The following KCNIP4 variants were observed in gnomAD, a reference collection of about 807,000 sequenced individuals.
KCNIP4 encodes the protein Kv channel-interacting protein 4.
In KCNIP4, 12 loss-of-function variants were observed where a neutral mutation model predicts 34.0. The observed-to-expected ratio is 0.35, with a 90% CI of 0.23 to 0.57. The LOEUF (loss-of-function observed/expected upper bound fraction) is 0.57, where lower values mean the gene tolerates loss of function less well. Ranked by LOEUF, KCNIP4 falls within the 20% of genes least tolerant of loss-of-function variation. The pLI, the probability that KCNIP4 is intolerant of heterozygous loss-of-function variation, is 0.83. For missense variants in KCNIP4, 238 were observed against 311.7 expected (o/e 0.76, Z 1.78); for synonymous variants, 124 against 102.2 (o/e 1.21, Z -1.29).
chr4:21,546,026 A>G (rs182595234), intron 1 of KCNIP4, among the ~76,000 whole-genome samples: 57 of 152,126 alleles, frequency 3.7e-4, no homozygotes, highest in African/African-American at 1.3e-3. Context: ...TACTCTATGG[A>G]CTTGCCTTGA....
rs571199002 is a variant in KCNIP4 at position 21,380,559 on chromosome 4, T to G, written c.62-497850A>C. ...ATAGATCACTCTTAATTTGAGGGATTTTTGACAGTTATTGATGGTTTGACT... is the reference window on the plus strand; with the variant it reads ...ATAGATCACTCTTAATTTGAGGGATGTTTGACAGTTATTGATGGTTTGACT... On this transcript the variant is annotated intron_variant, in intron 1 of 8. Coordinates refer to ENST00000382152, the MANE Select transcript of KCNIP4 (RefSeq NM_025221.6). 2.6e-5 allele frequency among the ~76,000 whole-genome samples: 4 copies of G among 151,954 alleles called. No individual in the cohort carries two copies. In the East Asian group the frequency reaches 7.8e-4, roughly 30 times the overall value.
At chr4:20,916,563 TG>T (rs1238535460) in intron 1 of KCNIP4, among the ~76,000 whole-genome samples, 2 of 152,146 alleles carry the variant, frequency 1.3e-5, no homozygotes, top group Non-Finnish European at 2.9e-5. Context: ...TCATTTTAAT[TG>T]GTAGCCCTTA....
At chr4:21,840,933 T>C (rs549585248) in intron 1 of KCNIP4, among the ~76,000 whole-genome samples, 2 of 152,192 alleles carry the variant, frequency 1.3e-5, no homozygotes, top group Non-Finnish European at 2.9e-5. Context: ...TTTCTATTGC[T>C]GACAACCAAA....
intron 1 of KCNIP4, among the ~76,000 whole-genome samples, chr4:21,230,730 A>T (rs763165367): frequency 6.6e-6 from 1 of 152,144 alleles, no homozygotes; most frequent in Non-Finnish European, 1.5e-5. Context: ...TCCATGCTGT[A>T]TATGTACCAC....
intron 1 of KCNIP4, among the ~76,000 whole-genome samples, chr4:20,997,814 A>G (rs1737702450): frequency 1.3e-5 from 2 of 152,156 alleles, no homozygotes; most frequent in African/African-American, 4.8e-5. Context: ...AGCACTAGGG[A>G]CCCGCTCCTA....
chr4:20,759,628 T>C (rs921734711), intron 3 of KCNIP4, among the ~76,000 whole-genome samples: 4 of 145,286 alleles, frequency 2.8e-5, no homozygotes, highest in Non-Finnish European at 4.5e-5. Context: ...AGAGTGGTTT[T>C]GGCATTTTTG....
At chr4:21,189,278 T>A (rs1478082698) in intron 1 of KCNIP4, among the ~76,000 whole-genome samples, 1 of 152,192 alleles carries the variant, frequency 6.6e-6, no homozygotes, top group African/African-American at 2.4e-5. Flanking sequence ...AAAGGCATTG[T>A]CTCCCAGTTT....
At chr4:21,341,573 C>A (rs1309811514) in intron 1 of KCNIP4, among the ~76,000 whole-genome samples, 9 of 72,396 alleles carry the variant, frequency 1.2e-4, no homozygotes, top group African/African-American at 9.2e-4. Flanking sequence ...ATTCTTATTA[C>A]CTTCCTAAAT....
intron 1 of KCNIP4, among the ~76,000 whole-genome samples, chr4:21,224,210 G>T (rs1274706512): frequency 2.0e-5 from 3 of 152,036 alleles, no homozygotes; most frequent in Non-Finnish European, 2.9e-5. Context: ...TTAAACAATA[G>T]AAATTTATTT....
chr4:21,900,104 C>A (rs762938290), intron 1 of KCNIP4, among the ~76,000 whole-genome samples: 3 of 152,064 alleles, frequency 2.0e-5, no homozygotes, highest in Non-Finnish European at 4.4e-5. Context: ...GATTGCATTT[C>A]TAATAGCAAT....
chr4:21,107,003 G>A (rs1014392329), intron 1 of KCNIP4, among the ~76,000 whole-genome samples: 9 of 149,128 alleles, frequency 6.0e-5, no homozygotes, highest in African/African-American at 2.0e-4. Flanking sequence ...TTGCTGAGGA[G>A]AGCTTTACTT....
chr4:21,387,476 T>G (rs916475687), intron 1 of KCNIP4, among the ~76,000 whole-genome samples: 7 of 152,196 alleles, frequency 4.6e-5, no homozygotes, highest in African/African-American at 1.7e-4. Context: ...TCTCTCTTCA[T>G]GAAACTTGGT....
intron 1 of KCNIP4, among the ~76,000 whole-genome samples, chr4:21,027,653 C>G (rs1740670908): frequency 6.6e-6 from 1 of 151,084 alleles, no homozygotes; most frequent in Non-Finnish European, 1.5e-5. Flanking sequence ...CATCCCATTG[C>G]TGAATAAGAC....
intron 3 of KCNIP4, among the ~76,000 whole-genome samples, chr4:20,794,433 A>C (rs1713182314): frequency 6.6e-6 from 1 of 152,262 alleles, no homozygotes; most frequent in South Asian, 2.1e-4. Flanking sequence ...GTGGCCCAGG[A>C]GTTGGGGACC....
chr4:20,922,464 T>G (rs2149587894), intron 1 of KCNIP4, among the ~76,000 whole-genome samples: 1 of 152,272 alleles, frequency 6.6e-6, no homozygotes, highest in African/African-American at 2.4e-5. Context: ...TATCCTGGTT[T>G]GCCAGCTTGC....
intron 1 of KCNIP4, among the ~76,000 whole-genome samples, chr4:21,039,797 T>C (rs916992597): frequency 6.6e-6 from 1 of 152,186 alleles, no homozygotes; most frequent in Non-Finnish European, 1.5e-5. Context: ...AAATGCTCAT[T>C]TAATTAATTA....
intron 1 of KCNIP4, among the ~76,000 whole-genome samples, chr4:21,621,647 C>G (rs1745005247): frequency 6.6e-6 from 1 of 152,130 alleles, no homozygotes; most frequent in African/African-American, 2.4e-5. Flanking sequence ...CACGAGCCAC[C>G]ATGTTCGGCC....
chr4:21,486,842 TC>T (rs563100490), intron 1 of KCNIP4, among the ~76,000 whole-genome samples: 18,977 of 152,138 alleles, frequency 0.12, 1,334 homozygotes, highest in South Asian at 0.21. Context: ...TTTTGCTCTG[TC>T]ACCCAGGCTG....
intron 1 of KCNIP4, among the ~76,000 whole-genome samples, chr4:21,074,469 G>T (rs1490235953): frequency 6.6e-6 from 1 of 152,012 alleles, no homozygotes; most frequent in African/African-American, 2.4e-5. Flanking sequence ...TATTTCTGTG[G>T]GATCGGTGGT....
Sources: allele counts gnomAD v4.1 joint callset (sites outside exome capture counted in the v4.1 genomes callset), GRCh38; gene constraint gnomAD v4.1.1; transcripts MANE v1.5; gene names NCBI Gene and HGNC (gene_info 2026-07-23, HGNC 2026-07-21).